Variants in GRID2 observed in about 807,000 individuals in gnomAD.
GRID2 encodes the protein glutamate receptor ionotropic, delta-2.
Under a neutral mutation model 114.8 loss-of-function variants are expected in GRID2, and 33 were observed. The observed-to-expected ratio is 0.29, with a 90% CI of 0.22 to 0.38. GRID2 has a LOEUF of 0.38. GRID2 is among the 10% of genes least tolerant of loss of function. The probability of loss-of-function intolerance (pLI) is 1.00; values close to 1 mark genes in which losing one functional copy is unlikely to be tolerated. For synonymous variants in GRID2, 505 were observed against 449.9 expected, an observed-to-expected ratio of 1.12 and a Z score of -1.55; for missense variants, 1,184 against 1,257.7, an observed-to-expected ratio of 0.94 and a Z score of 0.89.
At chr4:93,359,869 T>TAA (rs1158118048) in intron 8 of GRID2, among the ~76,000 whole-genome samples, 333 of 23,630 alleles carry the variant, frequency 0.014, 9 homozygotes, top group Middle Eastern at 0.038. Flanking sequence ...AAGGAAGGTG[T>TAA]AAAAAAAAAA....
intron 8 of GRID2, among the ~76,000 whole-genome samples, chr4:93,318,115 G>T (rs1756871907): frequency 1.3e-5 from 2 of 149,122 alleles, no homozygotes; most frequent in South Asian, 2.1e-4. Flanking sequence ...AATTTTACAT[G>T]ATTTCATATA....
intron 2 of GRID2, among the ~76,000 whole-genome samples, chr4:92,820,850 A>T (rs1383524825): frequency 6.6e-6 from 1 of 152,094 alleles, no homozygotes; most frequent in African/African-American, 2.4e-5. Context: ...CTTAAATTGT[A>T]CAAAATTCCT....
intron 2 of GRID2, among the ~76,000 whole-genome samples, chr4:92,749,255 CA>C (rs1309078055): frequency 2.0e-5 from 3 of 147,216 alleles, no homozygotes; most frequent in African/African-American, 7.5e-5. Flanking sequence ...GCCCGCCTCC[CA>C]AAGTACTGGG....
chr4:93,368,692 G>A (rs1002819768), intron 8 of GRID2, among the ~76,000 whole-genome samples: 4 of 152,054 alleles, frequency 2.6e-5, no homozygotes, highest in Non-Finnish European at 5.9e-5. Flanking sequence ...CTAATGAAAA[G>A]CTAGTCAGCA....
chr4:92,571,846 A>G (rs1727639351), intron 1 of GRID2, among the ~76,000 whole-genome samples: 1 of 152,206 alleles, frequency 6.6e-6, no homozygotes, highest in African/African-American at 2.4e-5. Context: ...GAGAACAAAG[A>G]CATAACATAC....
In GRID2 at chr4:93,565,645, A is replaced by G. The variant is rs115014722; in HGVS notation, c.2193+50234A>G. On this transcript the variant is annotated intron_variant, in intron 13 of 15. Coordinates refer to ENST00000282020, the MANE Select transcript of GRID2 (RefSeq NM_001510.4). ...ATGCAATGAGTAAGCAAATTATTCC[A>G]TAAAAAGTATGGTTCACATGCAGAA... Among the ~76,000 whole-genome samples the G allele has an allele frequency of 5.3e-3, 800 of 152,354 alleles. 5 individuals are homozygous for G. The highest frequency in any genetic ancestry group is 0.017 in the African/African-American group (710 of 41,598).
intron 1 of GRID2, among the ~76,000 whole-genome samples, chr4:92,445,775 T>A (rs1337196278): frequency 6.6e-6 from 1 of 152,216 alleles, no homozygotes; most frequent in Non-Finnish European, 1.5e-5. Flanking sequence ...TGTAATTTAT[T>A]TATTGAATAA....
At chr4:92,596,220 C>T (rs1728945467) in intron 2 of GRID2, among the ~76,000 whole-genome samples, 1 of 133,146 alleles carries the variant, frequency 7.5e-6, no homozygotes, top group Admixed American at 8.2e-5. Context: ...GGGTATGATT[C>T]TATTCATTCA....
intron 2 of GRID2, among the ~76,000 whole-genome samples, chr4:92,675,374 C>G (rs1193217640): frequency 6.6e-6 from 1 of 152,088 alleles, no homozygotes; most frequent in East Asian, 1.9e-4. Context: ...AAAATAATCA[C>G]TATCCAAAAA....
At chr4:93,097,179 T>C (rs985008519) in intron 3 of GRID2, among the ~76,000 whole-genome samples, 5 of 151,954 alleles carry the variant, frequency 3.3e-5, no homozygotes, top group African/African-American at 9.7e-5. Context: ...TTAGTGGTAA[T>C]GGAAATATCC....
At chr4:92,729,621 A>AT (rs1430108837) in intron 2 of GRID2, among the ~76,000 whole-genome samples, 1 of 151,972 alleles carries the variant, frequency 6.6e-6, no homozygotes, top group African/African-American at 2.4e-5. Context: ...ATTCTATGCA[A>AT]TTTTTTGCAT....
intron 1 of GRID2, among the ~76,000 whole-genome samples, chr4:92,445,202 A>T (rs956747552): frequency 6.6e-6 from 1 of 152,162 alleles, no homozygotes; most frequent in African/African-American, 2.4e-5. Flanking sequence ...CCTTGTATTG[A>T]TGAGTAAAAT....
At chr4:93,208,709 A>C (rs1365752566) in intron 5 of GRID2, among the ~76,000 whole-genome samples, 1 of 151,922 alleles carries the variant, frequency 6.6e-6, no homozygotes, top group East Asian at 1.9e-4. Context: ...ACACCTTACA[A>C]GTCTGTTTTT....
intron 2 of GRID2, among the ~76,000 whole-genome samples, chr4:92,946,636 G>C: frequency 6.6e-6 from 1 of 151,988 alleles, no homozygotes; most frequent in East Asian, 1.9e-4. Flanking sequence ...ATTATATCCA[G>C]CAATGAATGC....
chr4:93,757,793 T>TA (rs1326038191), intron 14 of GRID2, among the ~76,000 whole-genome samples: 2 of 152,008 alleles, frequency 1.3e-5, no homozygotes, highest in Admixed American at 6.6e-5. Flanking sequence ...CCATCTCTAC[T>TA]AAAAAAGGCA....
At chr4:92,341,367 T>C (rs1210393479) in intron 1 of GRID2, among the ~76,000 whole-genome samples, 3 of 152,176 alleles carry the variant, frequency 2.0e-5, no homozygotes, top group Non-Finnish European at 1.5e-5. Context: ...CAGCAAGAGA[T>C]GGCAGTTCTC....
At chr4:92,994,687 T>C (rs189192242) in intron 2 of GRID2, among the ~76,000 whole-genome samples, 141 of 152,258 alleles carry the variant, frequency 9.3e-4, no homozygotes, top group African/African-American at 3.3e-3. Flanking sequence ...GTTCAACACA[T>C]GCAACATATA....
chr4:92,438,677 A>G (rs974812721), intron 1 of GRID2, among the ~76,000 whole-genome samples: 1 of 151,874 alleles, frequency 6.6e-6, no homozygotes, highest in African/African-American at 2.4e-5. Context: ...GTTGGCTACC[A>G]TGGAATCTAT....
chr4:92,644,729 C>T (rs1731525506), intron 2 of GRID2, among the ~76,000 whole-genome samples: 1 of 151,436 alleles, frequency 6.6e-6, no homozygotes, highest in Non-Finnish European at 1.5e-5. Context: ...TATGTTTACT[C>T]TTTTTGTGAG....
Sources: allele counts gnomAD v4.1 joint callset (sites outside exome capture counted in the v4.1 genomes callset), GRCh38; gene constraint gnomAD v4.1.1; transcripts MANE v1.5; gene names NCBI Gene and HGNC (gene_info 2026-07-23, HGNC 2026-07-21).